ATP2B1: variants seen among roughly 807,000 people sequenced by gnomAD.
The protein encoded by ATP2B1 is ATPase plasma membrane Ca2+ transporting 1.
Under a neutral mutation model 124.2 loss-of-function variants are expected in ATP2B1, and 14 were observed. The ratio of observed to expected loss-of-function variants is 0.11; its 90% CI spans 0.07 to 0.18. ATP2B1 has a LOEUF of 0.18. ATP2B1 is among the 10% of genes least tolerant of loss of function. The probability of loss-of-function intolerance (pLI) is 1.00; values close to 1 mark genes in which losing one functional copy is unlikely to be tolerated. For synonymous variants in ATP2B1, 449 were observed against 492.4 expected (o/e 0.91, Z 1.17); for missense variants, 763 against 1,466.1 (o/e 0.52, Z 7.83).
chr12:89,606,743 G>A (rs1876965404), intron 15 of ATP2B1, among the ~76,000 whole-genome samples: 1 of 151,786 alleles, frequency 6.6e-6, no homozygotes, highest in Admixed American at 6.6e-5. Context: ...CCACTATTTT[G>A]TATTTTTAGT....
chr12:89,709,076 G>C (rs546382248), upstream of ATP2B1: 1 of 151,112 alleles, frequency 6.6e-6, no homozygotes, highest in African/African-American at 2.4e-5. Context: ...GCCGCAGCCC[G>C]CCCCACTCGG....
intron 20 of ATP2B1, among the ~76,000 whole-genome samples, chr12:89,592,331 C>A (rs61925157): frequency 6.6e-6 from 1 of 152,048 alleles, no homozygotes. Flanking sequence ...ATAAAGACAT[C>A]ATTTACTCAT....
intron 1 of ATP2B1, among the ~76,000 whole-genome samples, chr12:89,664,178 G>A (rs993858249): frequency 3.3e-5 from 5 of 152,122 alleles, no homozygotes; most frequent in Non-Finnish European, 7.3e-5. Flanking sequence ...CCCAAGCACA[G>A]CTCCTGTTTC....
At position 89,616,943 on chromosome 12, in the gene ATP2B1, T is replaced by C. The variant is rs780549309; in HGVS notation, c.1926A>G (p.Ser642=). Residue 642 remains serine, a synonymous_variant, in exon 12 of 21, where the codon TCA becomes TCG. Coordinates refer to ENST00000428670, the MANE Select transcript of ATP2B1 (RefSeq NM_001366521.1). ...CAAGACATATGGTTCTCAAGCCTTC[T>C]GATGCCATCGGTTCAATCACAGTTT... The part of the protein sequence containing the change: ...IVKTVIEPMA[S]EGLRTICLAF... 15 of 1,614,172 alleles carry C rather than the reference T, an allele frequency of 9.3e-6. No individual in the cohort carries two copies. Among genetic ancestry groups the C allele is most frequent in the South Asian group, 2.2e-5 (2 of 91,082 alleles).
intron 20 of ATP2B1, among the ~76,000 whole-genome samples, chr12:89,596,257 G>A (rs901013087): frequency 1.6e-4 from 24 of 151,942 alleles, no homozygotes; most frequent in African/African-American, 5.8e-4. Context: ...TAAACTTGTC[G>A]AAAAAGTTTA....
intron 1 of ATP2B1, among the ~76,000 whole-genome samples, chr12:89,684,153 C>T (rs963534828): frequency 1.3e-5 from 2 of 151,926 alleles, no homozygotes; most frequent in Non-Finnish European, 2.9e-5. Context: ...GGAAAAGAAA[C>T]ACAGAAATAA....
At chr12:89,644,609 T>C (rs778366698) in intron 2 of ATP2B1, among the ~76,000 whole-genome samples, 14 of 151,588 alleles carry the variant, frequency 9.2e-5, no homozygotes, top group Non-Finnish European at 1.6e-4. Flanking sequence ...ACAGAGTCAA[T>C]AGAAAGCAAG....
At chr12:89,672,686 C>T (rs903827517) in intron 1 of ATP2B1, among the ~76,000 whole-genome samples, 9 of 152,096 alleles carry the variant, frequency 5.9e-5, no homozygotes, top group Admixed American at 1.3e-4. Context: ...CTGCCTCTCT[C>T]CCACCCAACC....
chr12:89,632,689 C>T (rs1882063361), intron 5 of ATP2B1, among the ~76,000 whole-genome samples: 1 of 152,084 alleles, frequency 6.6e-6, no homozygotes, highest in Non-Finnish European at 1.5e-5. Context: ...GAGATGGCAT[C>T]ATGAGAGTAA....
At chr12:89,698,643 T>C (rs935181961) in intron 1 of ATP2B1, among the ~76,000 whole-genome samples, 2 of 151,674 alleles carry the variant, frequency 1.3e-5, no homozygotes, top group African/African-American at 4.8e-5. Flanking sequence ...TTAGTAAGAC[T>C]ATAACAAATT....
At chr12:89,592,891 C>A (rs1421387930) in intron 20 of ATP2B1, among the ~76,000 whole-genome samples, 5 of 151,996 alleles carry the variant, frequency 3.3e-5, no homozygotes, top group Admixed American at 2.0e-4. Context: ...TAAAGTCCTG[C>A]ATTTCTAACA....
At chr12:89,616,445 T>G (rs138024526) in intron 12 of ATP2B1, among the ~76,000 whole-genome samples, 1 of 152,232 alleles carries the variant, frequency 6.6e-6, no homozygotes, top group East Asian at 1.9e-4. Context: ...TACAGAACAT[T>G]CCTATTATCA....
chr12:89,627,629 T>G, intron 7 of ATP2B1, 49 bp downstream of exon 7: 1 of 1,586,680 alleles, frequency 6.3e-7, no homozygotes, highest in Non-Finnish European at 8.6e-7. Flanking sequence ...AGTAGATTTT[T>G]GGATATAATG....
intron 1 of ATP2B1, among the ~76,000 whole-genome samples, chr12:89,688,834 CTT>C (rs1890240362): frequency 6.6e-6 from 1 of 152,006 alleles, no homozygotes; most frequent in Non-Finnish European, 1.5e-5. Flanking sequence ...CTCTAAAATT[CTT>C]TGTCTATCCC....
intron 1 of ATP2B1, among the ~76,000 whole-genome samples, chr12:89,705,171 G>A (rs576464492): frequency 1.3e-5 from 2 of 151,956 alleles, no homozygotes; most frequent in Non-Finnish European, 2.9e-5. Context: ...GCTAAAAAGT[G>A]AATTTTTTAA....
intron 2 of ATP2B1, among the ~76,000 whole-genome samples, chr12:89,646,406 G>A (rs1884460547): frequency 6.6e-6 from 1 of 152,126 alleles, no homozygotes; most frequent in Non-Finnish European, 1.5e-5. Context: ...CAGCGTTGGA[G>A]CACCCAACAC....
intron 20 of ATP2B1, among the ~76,000 whole-genome samples, chr12:89,597,598 A>T (rs1592701032): frequency 6.6e-6 from 1 of 152,272 alleles, no homozygotes; most frequent in Middle Eastern, 3.4e-3. Context: ...GCAGCTTCTC[A>T]AGGTTCCTCT....
At chr12:89,674,099 T>C (rs2136552024) in intron 1 of ATP2B1, among the ~76,000 whole-genome samples, 1 of 152,132 alleles carries the variant, frequency 6.6e-6, no homozygotes, top group East Asian at 1.9e-4. Flanking sequence ...CTTATCTGCA[T>C]GGTAGGTGTT....
At chr12:89,627,557 C>A in intron 7 of ATP2B1, 121 bp downstream of exon 7, 1 of 1,056,808 alleles carries the variant, frequency 9.5e-7, no homozygotes, top group South Asian at 1.5e-5. Flanking sequence ...TTAACCCAAG[C>A]TAACGTATAT....
Sources: allele counts gnomAD v4.1 joint callset (sites outside exome capture counted in the v4.1 genomes callset), GRCh38; gene constraint gnomAD v4.1.1; transcripts MANE v1.5; gene names NCBI Gene and HGNC (gene_info 2026-07-23, HGNC 2026-07-21).